Variants in PCDHA13 observed in about 807,000 individuals in gnomAD.
PCDHA13 encodes protocadherin alpha 13, also known as protocadherin alpha-13.
A neutral mutation model predicts 64.8 loss-of-function variants in PCDHA13; 54 were observed. That is an observed-to-expected ratio of 0.83 (90% confidence interval 0.67 to 1.04). PCDHA13 has a LOEUF of 1.04. PCDHA13 is among the 50% of genes least tolerant of loss of function. The pLI, the probability that PCDHA13 is intolerant of heterozygous loss-of-function variation, is 0.00. For missense variants in PCDHA13, 1,248 were observed against 1,254.3 expected (o/e 0.99, Z 0.08); for synonymous variants, 587 against 564.4 (o/e 1.04, Z -0.57).
intron 1 of PCDHA13, among the ~76,000 whole-genome samples, chr5:140,973,634 C>T (rs2096596343): frequency 6.6e-6 from 1 of 152,220 alleles, no homozygotes; most frequent in African/African-American, 2.4e-5. Flanking sequence ...ATCTTGTACA[C>T]ATTCTGACTG....
At chr5:140,997,603 C>T (rs781897268) in intron 3 of PCDHA13, among the ~76,000 whole-genome samples, 2 of 151,824 alleles carry the variant, frequency 1.3e-5, no homozygotes, top group African/African-American at 2.4e-5. Flanking sequence ...GATTATGGGG[C>T]GCATGACTAT....
chr5:140,970,814 C>T (rs1175939096), intron 1 of PCDHA13, among the ~76,000 whole-genome samples: 1 of 152,068 alleles, frequency 6.6e-6, no homozygotes, highest in Non-Finnish European at 1.5e-5. Flanking sequence ...ATTTCAAGTT[C>T]ATGGTAATCT....
chr5:140,949,053 C>T (rs2094339991), intron 1 of PCDHA13, among the ~76,000 whole-genome samples: 1 of 151,694 alleles, frequency 6.6e-6, no homozygotes, highest in Admixed American at 6.6e-5. Flanking sequence ...TTCTAATTTC[C>T]ATTATGATTT....
intron 1 of PCDHA13, among the ~76,000 whole-genome samples, chr5:140,964,992 A>G (rs1459979924): frequency 6.6e-6 from 1 of 152,098 alleles, no homozygotes; most frequent in Non-Finnish European, 1.5e-5. Flanking sequence ...CAGGCCTTTG[A>G]ATTCTGGGTG....
intron 1 of PCDHA13, chr5:140,968,796 C>G (rs2096270881): frequency 6.2e-7 from 1 of 1,614,220 alleles, no homozygotes; most frequent in East Asian, 2.2e-5. Context: ...GTGGCCATTA[C>G]AGTAGCTGTG....
chr5:140,977,364 A>G (rs967972541), intron 1 of PCDHA13, among the ~76,000 whole-genome samples: 2 of 152,206 alleles, frequency 1.3e-5, no homozygotes, highest in African/African-American at 4.8e-5. Flanking sequence ...GATAAAAAGT[A>G]TTTTAGTCAT....
intron 1 of PCDHA13, chr5:140,927,385 C>T (rs781913021): frequency 1.9e-6 from 3 of 1,614,098 alleles, no homozygotes; most frequent in Non-Finnish European, 1.7e-6. Flanking sequence ...CAGCCTAAGC[C>T]CCAGTCAGCA....
intron 1 of PCDHA13, chr5:140,968,266 G>A: frequency 6.2e-7 from 1 of 1,614,080 alleles, no homozygotes; most frequent in Non-Finnish European, 8.5e-7. Context: ...ATGAAAAGGA[G>A]AATGCAGAGG....
At chr5:140,926,789 G>C in intron 1 of PCDHA13, 1 of 1,432,318 alleles carries the variant, frequency 7.0e-7, no homozygotes, top group Non-Finnish European at 9.1e-7. Context: ...CGGCCGGCAG[G>C]AGCGTGCTCT....
intron 3 of PCDHA13, among the ~76,000 whole-genome samples, chr5:140,990,611 G>A (rs577900189): frequency 6.6e-6 from 1 of 152,116 alleles, no homozygotes; most frequent in Non-Finnish European, 1.5e-5. Context: ...GATGAATACC[G>A]TAAAGGTCTG....
chr5:140,890,724 CT>C (rs2062771629), intron 1 of PCDHA13, among the ~76,000 whole-genome samples: 2 of 152,108 alleles, frequency 1.3e-5, no homozygotes, highest in African/African-American at 2.4e-5. Context: ...TTTTTAATCC[CT>C]TTTGACTTAT....
At chr5:140,905,033 T>C (rs1325621385) in intron 1 of PCDHA13, among the ~76,000 whole-genome samples, 3 of 152,234 alleles carry the variant, frequency 2.0e-5, no homozygotes, top group African/African-American at 7.2e-5. Context: ...AGAAGCTTTT[T>C]AGTTTAATTA....
chr5:140,981,468 G>A (rs1554242887), intron 2 of PCDHA13, among the ~76,000 whole-genome samples: 1 of 152,172 alleles, frequency 6.6e-6, no homozygotes, highest in Non-Finnish European at 1.5e-5. Context: ...CAGCTACTTG[G>A]GAGGCTGAGG....
intron 1 of PCDHA13, among the ~76,000 whole-genome samples, chr5:140,925,358 C>A (rs1554202714): frequency 8.5e-5 from 13 of 152,094 alleles, no homozygotes; most frequent in Non-Finnish European, 1.9e-4. Flanking sequence ...GAATTTAGTG[C>A]TTCATAGTCA....
intron 3 of PCDHA13, among the ~76,000 whole-genome samples, chr5:140,990,912 A>G (rs1415853627): frequency 1.3e-5 from 2 of 152,148 alleles, no homozygotes; most frequent in African/African-American, 4.8e-5. Context: ...CAAGTTTTAT[A>G]AGTCTTTAAA....
chr5:140,896,485 C>T (rs1259028670), intron 1 of PCDHA13, among the ~76,000 whole-genome samples: 1 of 152,032 alleles, frequency 6.6e-6, no homozygotes, highest in African/African-American at 2.4e-5. Flanking sequence ...GCCTCAGCCT[C>T]CTGAGTAGCT....
chr5:140,992,584 T>C (rs1327367703), intron 3 of PCDHA13, among the ~76,000 whole-genome samples: 1 of 152,194 alleles, frequency 6.6e-6, no homozygotes, highest in Non-Finnish European at 1.5e-5. Context: ...CTGCCTTGTA[T>C]GCATCTAGCG....
chr5:140,963,529 C>T (rs1332936829), intron 1 of PCDHA13, among the ~76,000 whole-genome samples: 1 of 152,176 alleles, frequency 6.6e-6, no homozygotes, highest in Non-Finnish European at 1.5e-5. Flanking sequence ...ACAGAAGTCC[C>T]ATTTACTTCA....
chr5:140,938,468 A>G (rs1427570517), intron 1 of PCDHA13, among the ~76,000 whole-genome samples: 1 of 152,096 alleles, frequency 6.6e-6, no homozygotes, highest in African/African-American at 2.4e-5. Context: ...TTAATTTATT[A>G]TGTTTTTTAA....
Sources: gnomAD v4.1 joint callset for allele counts (sites outside exome capture counted in the v4.1 genomes callset) on GRCh38, gnomAD v4.1.1 for gene constraint, MANE v1.5 for transcripts, NCBI Gene and HGNC (gene_info 2026-07-23, HGNC 2026-07-21) for gene names.